VSNL1: variants seen among roughly 807,000 people sequenced by gnomAD.
VSNL1 encodes the protein visinin-like protein 1.
VSNL1 carries 6 observed loss-of-function variants against 20.4 expected under a neutral mutation model. That is an observed-to-expected ratio of 0.29 (90% confidence interval 0.16 to 0.58). The LOEUF (loss-of-function observed/expected upper bound fraction) is 0.58, where lower values mean the gene tolerates loss of function less well. Among genes scored for constraint, VSNL1 ranks in the 20% least tolerant of loss-of-function variants. VSNL1 has a pLI of 0.90. For missense variants in VSNL1, 100 were observed against 234.5 expected (o/e 0.43, Z 3.75); for synonymous variants, 93 against 86.4 (o/e 1.08, Z -0.42).
intron 2 of VSNL1, among the ~76,000 whole-genome samples, chr2:17,604,191 C>T (rs1664894426): frequency 6.6e-6 from 1 of 152,216 alleles, no homozygotes; most frequent in Non-Finnish European, 1.5e-5. Flanking sequence ...CTGAAGCTGA[C>T]ATCCAGAAAG....
intron 3 of VSNL1, among the ~76,000 whole-genome samples, chr2:17,653,488 T>C (rs772213960): frequency 6.6e-6 from 1 of 152,224 alleles, no homozygotes; most frequent in Admixed American, 6.5e-5. Context: ...TGCTTTTCCT[T>C]TGTGCACCAC....
At chr2:17,584,068 T>G (rs1664411739) in intron 1 of VSNL1, among the ~76,000 whole-genome samples, 1 of 152,068 alleles carries the variant, frequency 6.6e-6, no homozygotes, top group Non-Finnish European at 1.5e-5. Context: ...ATTTGAAAAA[T>G]GGGGAGATTG....
intron 2 of VSNL1, among the ~76,000 whole-genome samples, chr2:17,621,712 C>G (rs1292903671): frequency 6.6e-6 from 1 of 152,198 alleles, no homozygotes; most frequent in African/African-American, 2.4e-5. Flanking sequence ...AGTACAGCCT[C>G]GAACCCCTGG....
chr2:17,601,592 C>T (rs940265978), intron 2 of VSNL1, among the ~76,000 whole-genome samples: 16 of 151,456 alleles, frequency 1.1e-4, no homozygotes, highest in Admixed American at 2.0e-4. Context: ...GCCAAGATCA[C>T]GCCATTGCAC....
At chr2:17,587,089 G>GCT (rs1287375102) in intron 1 of VSNL1, among the ~76,000 whole-genome samples, 1 of 152,106 alleles carries the variant, frequency 6.6e-6, no homozygotes, top group Non-Finnish European at 1.5e-5. Flanking sequence ...TTCTTCCTTT[G>GCT]CTCTCAGCCC....
At chr2:17,630,123 G>C (rs755836297) in intron 2 of VSNL1, among the ~76,000 whole-genome samples, 5 of 152,172 alleles carry the variant, frequency 3.3e-5, no homozygotes, top group African/African-American at 1.2e-4. Context: ...TCTCAATCTC[G>C]TCCGTGTATT....
chr2:17,558,404 C>T (rs1314636524), intron 1 of VSNL1, among the ~76,000 whole-genome samples: 1 of 152,036 alleles, frequency 6.6e-6, no homozygotes. Flanking sequence ...CATTTGATGC[C>T]TGGCCTTTAA....
intron 2 of VSNL1, among the ~76,000 whole-genome samples, chr2:17,645,214 G>A (rs765064494): frequency 3.3e-5 from 5 of 152,244 alleles, no homozygotes; most frequent in Admixed American, 6.5e-5. Context: ...GGCATCCTCC[G>A]AAGTAGCCTT....
At chr2:17,613,805 C>T (rs968554400) in intron 2 of VSNL1, among the ~76,000 whole-genome samples, 7 of 152,326 alleles carry the variant, frequency 4.6e-5, no homozygotes, top group African/African-American at 1.7e-4. Flanking sequence ...TTCATCTATT[C>T]ATCCCATAGA....
rs571619290 is a variant in VSNL1 at position 17,644,830 on chromosome 2, A to G, written c.163-4580A>G. ...AAGACCAGGTCATCCAGAACAGGCT[A>G]GAAGCCACTAGCTAATTCCAGCAGG... On this transcript the variant is annotated intron_variant, in intron 2 of 3. Coordinates refer to ENST00000295156, the MANE Select transcript of VSNL1 (RefSeq NM_003385.5). Among the ~76,000 whole-genome samples the G allele has an allele frequency of 2.6e-5, 4 of 152,376 alleles. No individual in the cohort carries two copies. In the South Asian group the frequency reaches 8.3e-4, roughly 32 times the overall value.
At chr2:17,575,418 G>A (rs1402235798) in intron 1 of VSNL1, among the ~76,000 whole-genome samples, 1 of 152,132 alleles carries the variant, frequency 6.6e-6, no homozygotes, top group Admixed American at 6.5e-5. Context: ...AAACCTGGTT[G>A]TTTTTCTAAG....
intron 2 of VSNL1, among the ~76,000 whole-genome samples, chr2:17,608,255 T>C (rs879712081): frequency 2.6e-5 from 4 of 152,256 alleles, no homozygotes; most frequent in Non-Finnish European, 4.4e-5. Context: ...CTGTGTCTGC[T>C]TTCTAAGTAA....
At chr2:17,566,222 C>G (rs535981574) in intron 1 of VSNL1, among the ~76,000 whole-genome samples, 26 of 152,160 alleles carry the variant, frequency 1.7e-4, no homozygotes, top group African/African-American at 6.0e-4. Flanking sequence ...GAGTGTACAT[C>G]TTTTTCACAT....
Position 17,604,989 on chromosome 2 carries a change from G to T in VSNL1, c.162+12753G>T, listed in dbSNP as rs548908950. On this transcript the variant is annotated intron_variant, in intron 2 of 3. Transcript: ENST00000295156. ...AAAAGGCAGCTGCTCTGTGGAGAGA[G>T]TAGCCCTGGAGTAAGACACAGGGTT... 3.3e-5 allele frequency among the ~76,000 whole-genome samples: 5 copies of T among 152,294 alleles called. No individual in the cohort carries two copies. The East Asian group carries it at 7.7e-4, about 24-fold the overall frequency.
chr2:17,579,327 G>A (rs990218657), intron 1 of VSNL1, among the ~76,000 whole-genome samples: 10 of 152,080 alleles, frequency 6.6e-5, no homozygotes, highest in African/African-American at 2.4e-4. Flanking sequence ...GTGTTATCCA[G>A]GATAGTGTCG....
intron 2 of VSNL1, among the ~76,000 whole-genome samples, chr2:17,636,076 T>C (rs1419845021): frequency 6.6e-6 from 1 of 151,848 alleles, no homozygotes. Flanking sequence ...TTCCCCAGAG[T>C]AACATTTTAG....
chr2:17,546,619 G>A (rs933508395), intron 1 of VSNL1, among the ~76,000 whole-genome samples: 8 of 151,928 alleles, frequency 5.3e-5, no homozygotes, highest in East Asian at 1.9e-4. Flanking sequence ...TGTGATTGGC[G>A]TGTTTATTTC....
In VSNL1 at chr2:17,634,675, G is replaced by A. The variant is rs1665712592; in HGVS notation, c.163-14735G>A. Among the ~76,000 whole-genome samples the A allele has an allele frequency of 6.6e-6, 1 of 152,184 alleles. No homozygotes were observed. The highest frequency in any genetic ancestry group is 2.4e-5 in the African/African-American group (1 of 41,430). ...GCCTCTCAGGTCGTAGTAGGGTGAG[G>A]AGGAAAACAGGTATTTTTGTATGTT... On this transcript the variant is annotated intron_variant, in intron 2 of 3. Transcript: ENST00000295156. This position sits in a 1 kb window ranked among gnomAD's most constrained non-coding sequence, Gnocchi z 4.3.
chr2:17,550,774 A>G (rs1663515788), intron 1 of VSNL1, among the ~76,000 whole-genome samples: 1 of 152,222 alleles, frequency 6.6e-6, no homozygotes, highest in Non-Finnish European at 1.5e-5. Flanking sequence ...TTCAAGGACT[A>G]TGGAAATCAC....
Sources: allele counts gnomAD v4.1 joint callset (sites outside exome capture counted in the v4.1 genomes callset), GRCh38; gene constraint gnomAD v4.1.1; non-coding constraint Gnocchi (gnomAD v3.1); transcripts MANE v1.5; gene names NCBI Gene and HGNC (gene_info 2026-07-23, HGNC 2026-07-21).